Variants in QRFPR observed in about 807,000 individuals in gnomAD.
The protein encoded by QRFPR is pyroglutamylated RFamide peptide receptor.
QRFPR carries 37 observed loss-of-function variants against 31.3 expected under a neutral mutation model. The observed-to-expected ratio is 1.18, with a 90% CI of 0.91 to 1.56. The LOEUF is 1.56. Among genes scored for constraint, QRFPR ranks in the 40% most tolerant of loss-of-function variants. The pLI is 0.00. For missense variants in QRFPR, 542 were observed against 532.5 expected (o/e 1.02, Z -0.18); for synonymous variants, 197 against 192.0 (o/e 1.03, Z -0.22).
intron 1 of QRFPR, among the ~76,000 whole-genome samples, chr4:121,361,059 G>A (rs1284106790): frequency 6.6e-6 from 1 of 152,158 alleles, no homozygotes; most frequent in Non-Finnish European, 1.5e-5. Context: ...AATCTATTCA[G>A]AAGAATGTAC....
intron 1 of QRFPR, among the ~76,000 whole-genome samples, chr4:121,350,394 C>T (rs1366453618): frequency 3.3e-5 from 5 of 152,094 alleles, no homozygotes; most frequent in African/African-American, 4.8e-5. Flanking sequence ...AGGCTCTCCC[C>T]GTTATCACTA....
intron 1 of QRFPR, among the ~76,000 whole-genome samples, chr4:121,368,019 A>G (rs1187495759): frequency 6.7e-6 from 1 of 149,704 alleles, no homozygotes; most frequent in Non-Finnish European, 1.5e-5. Context: ...TTACACAGAC[A>G]AGGTACTATC....
At chr4:121,378,435 C>T (rs34821968) in intron 1 of QRFPR, among the ~76,000 whole-genome samples, 22,810 of 123,802 alleles carry the variant, frequency 0.18, 2,397 homozygotes, top group Non-Finnish European at 0.25. Context: ...TTTTTTGAGA[C>T]GGAGTCTTGC....
intron 1 of QRFPR, among the ~76,000 whole-genome samples, chr4:121,376,255 C>G (rs892499026): frequency 3.9e-5 from 6 of 152,120 alleles, no homozygotes; most frequent in African/African-American, 1.4e-4. Flanking sequence ...TGGAAGGAGT[C>G]CTGGGGAGTA....
In QRFPR at chr4:121,380,640, G is replaced by T; in HGVS notation, c.8C>A (p.Ala3Glu). Residue 3 changes from alanine (A) to glutamate (E), a missense_variant, in exon 1 of 6, where the codon GCG becomes GAG. By Grantham distance (107) the Ala-to-Glu change is moderately radical. Transcript: ENST00000394427. The part of the protein sequence containing the change: MQ[A>E]LNITPEQFSR... Reference sequence around the variant, plus strand: ...GAACTGCTCCGGGGTAATGTTAAGCGCCTGCATTGCTGTGCGCTCCCGGGA... The same window carrying T: ...GAACTGCTCCGGGGTAATGTTAAGCTCCTGCATTGCTGTGCGCTCCCGGGA... The T allele has an allele frequency of 6.5e-7, 1 of 1,549,650 alleles. No individual in the cohort carries two copies. Among genetic ancestry groups the T allele is most frequent in the Non-Finnish European group, 8.7e-7 (1 of 1,143,760 alleles).
intron 1 of QRFPR, among the ~76,000 whole-genome samples, chr4:121,364,287 G>A (rs1435892554): frequency 6.7e-6 from 1 of 150,116 alleles, no homozygotes; most frequent in Non-Finnish European, 1.5e-5. Flanking sequence ...GAATGTAACA[G>A]AAAAAACTTG....
chr4:121,350,552 T>C (rs936884760), intron 1 of QRFPR, among the ~76,000 whole-genome samples: 1 of 152,218 alleles, frequency 6.6e-6, no homozygotes, highest in Non-Finnish European at 1.5e-5. Context: ...ATGGTTTACA[T>C]TGAATAAAAT....
intron 3 of QRFPR, among the ~76,000 whole-genome samples, chr4:121,335,973 A>T (rs567436006): frequency 6.6e-6 from 1 of 152,012 alleles, no homozygotes; most frequent in Non-Finnish European, 1.5e-5. Context: ...AGCTCATTCA[A>T]CAAATTAGTT....
Position 121,362,781 on chromosome 4 carries a change from A to C in QRFPR, c.340+17527T>G, listed in dbSNP as rs761546522. 2.7e-5 allele frequency among the ~76,000 whole-genome samples: 4 copies of C among 150,158 alleles called. 1 individual carries two copies. Among genetic ancestry groups the C allele is most frequent in the African/African-American group, 4.9e-5 (2 of 40,606 alleles). Reference sequence around the variant, plus strand: ...GGACTTCCACAGGAAAAATAAAAGAATCTAGACACTACGAGAAAGACCACT... The same window carrying C: ...GGACTTCCACAGGAAAAATAAAAGACTCTAGACACTACGAGAAAGACCACT... On this transcript the variant is annotated intron_variant, in intron 1 of 5. Transcript: ENST00000394427.
chr4:121,334,086 T>C (rs1440681630), intron 3 of QRFPR, among the ~76,000 whole-genome samples: 3 of 152,160 alleles, frequency 2.0e-5, no homozygotes, highest in Non-Finnish European at 2.9e-5. Flanking sequence ...AAATAGGATG[T>C]TAAAATGAAA....
Position 121,380,348 on chromosome 4 carries a change from G to A in QRFPR, c.300C>T (p.Pro100=). ...SDLLITFFCI[P]VTMLQNISDN... ...CGGAAATGTTCTGGAGCATGGTGACGGGAATGCAGAAGAAGGTGATGAGCA... is the reference window on the plus strand; with the variant it reads ...CGGAAATGTTCTGGAGCATGGTGACAGGAATGCAGAAGAAGGTGATGAGCA... Residue 100 remains proline (P), a synonymous_variant, in exon 1 of 6, where the codon CCC becomes CCT. Transcript: ENST00000394427. The A allele has an allele frequency of 1.9e-6, 3 of 1,614,152 alleles. No individual in the cohort carries two copies. Among genetic ancestry groups the A allele is most frequent in the African/African-American group, 1.3e-5 (1 of 75,046 alleles).
chr4:121,340,513 T>A lies in QRFPR; in HGVS notation c.438A>T (p.Gly146=), dbSNP rs1725522109. 1.2e-6 allele frequency: 2 copies of A among 1,613,936 alleles called. No individual in the cohort carries two copies. The highest frequency in any genetic ancestry group is 1.3e-5 in the African/African-American group (1 of 74,916). Residue 146 remains glycine, a synonymous_variant, in exon 2 of 6, where the codon GGA becomes GGT. Coordinates refer to ENST00000394427, the MANE Select transcript of QRFPR (RefSeq NM_198179.3). Reference sequence around the variant, plus strand: ...ACTTCATTTTAAAAGGATGCACAAGTCCCTGGTGCCTTTCCACAGCAATGC... The same window carrying A: ...ACTTCATTTTAAAAGGATGCACAAGACCCTGGTGCCTTTCCACAGCAATGC... ...MTCIAVERHQ[G]LVHPFKMKWQ...
At chr4:121,375,146 C>T (rs990743411) in intron 1 of QRFPR, among the ~76,000 whole-genome samples, 3 of 152,172 alleles carry the variant, frequency 2.0e-5, no homozygotes, top group African/African-American at 7.2e-5. Flanking sequence ...CTGTCTCCTC[C>T]TGGGAAGTGT....
At chr4:121,344,975 C>T (rs1725616796) in intron 1 of QRFPR, among the ~76,000 whole-genome samples, 1 of 152,198 alleles carries the variant, frequency 6.6e-6, no homozygotes, top group Admixed American at 6.5e-5. Context: ...ATATCCTTCT[C>T]TTTTTTCCTT....
intron 1 of QRFPR, among the ~76,000 whole-genome samples, chr4:121,379,530 A>G (rs1726427760): frequency 6.6e-6 from 1 of 152,204 alleles, no homozygotes; most frequent in African/African-American, 2.4e-5. Flanking sequence ...GTGTTCTTGG[A>G]AAAGCTGGAT....
intron 1 of QRFPR, among the ~76,000 whole-genome samples, chr4:121,372,361 T>C (rs2110484814): frequency 6.6e-6 from 1 of 152,336 alleles, no homozygotes; most frequent in African/African-American, 2.4e-5. Context: ...GGAAGTATTC[T>C]CTCTCATTTC....
intron 1 of QRFPR, among the ~76,000 whole-genome samples, chr4:121,347,758 C>G (rs1020123036): frequency 1.3e-5 from 2 of 152,032 alleles, no homozygotes; most frequent in African/African-American, 4.8e-5. Context: ...GATAGTTTTT[C>G]ATTCTGTTCC....
chr4:121,380,744 G>T lies in QRFPR; in HGVS notation c.-97C>A. The T allele has an allele frequency of 1.7e-6, 2 of 1,180,324 alleles. No homozygotes were observed. The highest frequency in any genetic ancestry group is 2.3e-6 in the Non-Finnish European group (2 of 857,060). The allele number at this position is 1,180,324 out of a possible 1,614,324, so 73.1% of individuals were successfully genotyped here. A position where few individuals can be genotyped will look rare whatever the true frequency, so the allele number is the denominator to read the frequency against. On this transcript the variant is annotated 5_prime_UTR_variant, in exon 1 of 6. Coordinates refer to ENST00000394427, the MANE Select transcript of QRFPR (RefSeq NM_198179.3). ...GGCTTCGGGGGACCAGCCGGAGGCC[G>T]CCTCCCTTCCTCTACTCTGGAGTCA... is the stretch of plus-strand genomic sequence containing the variant.
chr4:121,333,165 C>T (rs1404402778), intron 3 of QRFPR, 109 bp from the exon 4 acceptor site: 1 of 679,788 alleles, frequency 1.5e-6, no homozygotes, highest in Non-Finnish European at 2.5e-6. Context: ...TCAAATTTGT[C>T]CCCAGCACGT....
Sources: gnomAD v4.1 joint callset for allele counts (sites outside exome capture counted in the v4.1 genomes callset) on GRCh38, gnomAD v4.1.1 for gene constraint, MANE v1.5 for transcripts, NCBI Gene and HGNC (gene_info 2026-07-23, HGNC 2026-07-21) for gene names.